PARD3B: variants seen among roughly 807,000 people sequenced by gnomAD.
The protein encoded by PARD3B is par-3 family cell polarity regulator beta.
PARD3B carries 103 observed loss-of-function variants against 130.2 expected under a neutral mutation model. That is an observed-to-expected ratio of 0.79 (90% confidence interval 0.67 to 0.93). The LOEUF (loss-of-function observed/expected upper bound fraction) is 0.93, where lower values mean the gene tolerates loss of function less well. PARD3B is among the 40% of genes least tolerant of loss of function. The probability of loss-of-function intolerance (pLI) is 0.00; values close to 1 mark genes in which losing one functional copy is unlikely to be tolerated. For synonymous variants in PARD3B, 583 were observed against 553.2 expected (o/e 1.05, Z -0.76); for missense variants, 1,609 against 1,499.2 (o/e 1.07, Z -1.21).
intron 18 of PARD3B, among the ~76,000 whole-genome samples, chr2:205,338,443 C>T (rs564626439): frequency 2.4e-4 from 36 of 152,216 alleles, no homozygotes; most frequent in African/African-American, 8.4e-4. Flanking sequence ...GGGAAAACAT[C>T]ATTTAATTTA....
At chr2:205,034,464 G>A (rs1697657380) in intron 3 of PARD3B, among the ~76,000 whole-genome samples, 3 of 152,130 alleles carry the variant, frequency 2.0e-5, no homozygotes. Flanking sequence ...TTTGTGTTGT[G>A]TGCTGATGTA....
rs921684966 is a variant in PARD3B, at chr2:205,021,650, CTATATA to C, written c.395-25920_395-25915del. The stretch of plus-strand genomic sequence containing the variant: ...TCTCTTTCTCTCTCTCTCTCTCTCT[CTATATA>C]TATATATATAGTTAATCTTTTCAAT... On this transcript the variant is annotated intron_variant, in intron 3 of 22. Transcript: ENST00000406610. The surrounding 1 kb of genome is among the most constrained non-coding windows in gnomAD (Gnocchi z 4.5). Among the ~76,000 whole-genome samples the C allele has an allele frequency of 5.1e-5, 5 of 98,234 alleles. No individual in the cohort carries two copies. In the South Asian group the frequency reaches 1.4e-3, roughly 28 times the overall value. The allele number at this position is 98,234 out of a possible 152,430, so 64.4% of individuals were successfully genotyped here.
chr2:205,461,672 A>C lies in PARD3B; in HGVS notation c.3044+21000A>C, dbSNP rs1037742817. ...TAATTGTTCTCAAATTTGAGCACGCATCAGAATCACCTGGAGAACTTGTTA... is the reference window on the plus strand; with the variant it reads ...TAATTGTTCTCAAATTTGAGCACGCCTCAGAATCACCTGGAGAACTTGTTA... On this transcript the variant is annotated intron_variant, in intron 20 of 22. Transcript: ENST00000406610. This position sits in a 1 kb window ranked among gnomAD's most constrained non-coding sequence, Gnocchi z 4.3. Among the ~76,000 whole-genome samples, 2 of 152,210 alleles carry C rather than the reference A, an allele frequency of 1.3e-5. No homozygotes were observed. Among genetic ancestry groups the C allele is most frequent in the Non-Finnish European group, 2.9e-5 (2 of 68,038 alleles).
chr2:204,644,053 C>G (rs753993195), intron 1 of PARD3B, among the ~76,000 whole-genome samples: 2 of 152,168 alleles, frequency 1.3e-5, no homozygotes, highest in Non-Finnish European at 2.9e-5. Context: ...TTTATTTATT[C>G]GTTCTCTGAA....
chr2:205,454,045 T>C (rs2048191759), intron 20 of PARD3B, among the ~76,000 whole-genome samples: 1 of 152,162 alleles, frequency 6.6e-6, no homozygotes, highest in South Asian at 2.1e-4. Flanking sequence ...AAAAAAATTA[T>C]ATGTATGTTT....
At chr2:204,732,948 C>A (rs1373721835) in intron 2 of PARD3B, among the ~76,000 whole-genome samples, 1 of 152,252 alleles carries the variant, frequency 6.6e-6, no homozygotes, top group South Asian at 2.1e-4. Context: ...TGAGCATCAT[C>A]CTGGTTTCCA....
In PARD3B at chr2:204,818,274, C is replaced by T. The variant is rs115158891; in HGVS notation, c.222+131992C>T. Reference sequence around the variant, plus strand: ...TTATGTGTTGTTCACCTATAATCCTCAGTTCTCACAGGAGTAAGTAGAAAT... The same window carrying T: ...TTATGTGTTGTTCACCTATAATCCTTAGTTCTCACAGGAGTAAGTAGAAAT... On this transcript the variant is annotated intron_variant, in intron 2 of 22. Transcript: ENST00000406610. Among the ~76,000 whole-genome samples the T allele has an allele frequency of 6.0e-3, 916 of 152,292 alleles. 11 individuals carry two copies. The highest frequency in any genetic ancestry group is 0.021 in the African/African-American group (886 of 41,568).
In PARD3B at chr2:205,025,053, G is replaced by A. The variant is rs1290656773; in HGVS notation, c.395-22528G>A. ...AGATTAAATGCATTCAGTTTAACTAGCGGCACTAAAAAGGGCTGCATCTTT... is the reference window on the plus strand; with the variant it reads ...AGATTAAATGCATTCAGTTTAACTAACGGCACTAAAAAGGGCTGCATCTTT... On this transcript the variant is annotated intron_variant, in intron 3 of 22. Coordinates refer to ENST00000406610, the MANE Select transcript of PARD3B (RefSeq NM_001302769.2). Among the ~76,000 whole-genome samples the A allele has an allele frequency of 3.9e-5, 6 of 152,222 alleles. No individual in the cohort carries two copies. In the East Asian group the frequency reaches 1.2e-3, roughly 29 times the overall value.
chr2:204,857,662 A>G (rs1169789057), intron 2 of PARD3B, among the ~76,000 whole-genome samples: 1 of 152,168 alleles, frequency 6.6e-6, no homozygotes, highest in African/African-American at 2.4e-5. Context: ...ACAGGGGTCA[A>G]ACAAGGCCTT....
chr2:205,414,687 G>A (rs1393436069), intron 19 of PARD3B, among the ~76,000 whole-genome samples: 1 of 152,008 alleles, frequency 6.6e-6, no homozygotes, highest in African/African-American at 2.4e-5. Context: ...TTCTATTAGT[G>A]AAGATGTAAA....
intron 1 of PARD3B, among the ~76,000 whole-genome samples, chr2:204,607,231 C>A (rs572293940): frequency 6.6e-6 from 1 of 152,078 alleles, no homozygotes; most frequent in African/African-American, 2.4e-5. Flanking sequence ...ATTATAGGGG[C>A]AGATTATCAT....
intron 1 of PARD3B, among the ~76,000 whole-genome samples, chr2:204,658,892 A>G (rs759600451): frequency 2.6e-5 from 4 of 152,200 alleles, no homozygotes; most frequent in Admixed American, 1.3e-4. Context: ...CAAGTGTCCA[A>G]TCAATCCCCA....
At position 204,615,782 on chromosome 2, in the gene PARD3B, A is replaced by G. The variant is rs73059024; in HGVS notation, c.120+69663A>G. On this transcript the variant is annotated intron_variant, in intron 1 of 22. Coordinates refer to ENST00000406610, the MANE Select transcript of PARD3B (RefSeq NM_001302769.2). ...CTACTGGTTCAGTTTGACAATGAAA[A>G]TAGTGCATGCATTTTTTTTCCTGAA... Among the ~76,000 whole-genome samples the G allele has an allele frequency of 6.0e-3, 917 of 152,274 alleles. 10 individuals carry two copies. Among genetic ancestry groups the G allele is most frequent in the African/African-American group, 0.02 (839 of 41,554 alleles).
At chr2:205,442,351 T>C (rs369992281) in intron 20 of PARD3B, among the ~76,000 whole-genome samples, 15 of 135,950 alleles carry the variant, frequency 1.1e-4, no homozygotes, top group African/African-American at 4.4e-4. Context: ...CAGGCTGGAG[T>C]GCAGTGGTAC....
chr2:205,509,148 C>T (rs766576723), intron 21 of PARD3B, among the ~76,000 whole-genome samples: 6 of 151,640 alleles, frequency 4.0e-5, no homozygotes, highest in Admixed American at 6.6e-5. Flanking sequence ...AGGCAGTCCC[C>T]AACATAGAAA....
chr2:205,061,462 G>A (rs1376552511), intron 4 of PARD3B, among the ~76,000 whole-genome samples: 1 of 152,038 alleles, frequency 6.6e-6, no homozygotes, highest in Non-Finnish European at 1.5e-5. Flanking sequence ...GATAATAAAA[G>A]TACTTACCTC....
intron 18 of PARD3B, among the ~76,000 whole-genome samples, chr2:205,354,404 A>G (rs2044112481): frequency 6.6e-6 from 1 of 152,020 alleles, no homozygotes; most frequent in Non-Finnish European, 1.5e-5. Context: ...GCACATGTAT[A>G]CATATGTAAC....
At chr2:205,040,478 TC>T (rs1442818324) in intron 3 of PARD3B, among the ~76,000 whole-genome samples, 1 of 152,168 alleles carries the variant, frequency 6.6e-6, no homozygotes, top group East Asian at 1.9e-4. Context: ...CCATATTTTT[TC>T]AAACTCATTC....
At chr2:204,959,616 G>T (rs1381124241) in intron 2 of PARD3B, among the ~76,000 whole-genome samples, 1 of 152,066 alleles carries the variant, frequency 6.6e-6, no homozygotes, top group Non-Finnish European at 1.5e-5. Flanking sequence ...GTGTTTGTTT[G>T]TTGTTCTTGT....
Sources: gnomAD v4.1 joint callset for allele counts (sites outside exome capture counted in the v4.1 genomes callset) on GRCh38, gnomAD v4.1.1 for gene constraint, Gnocchi (gnomAD v3.1) non-coding constraint, MANE v1.5 for transcripts, NCBI Gene and HGNC (gene_info 2026-07-23, HGNC 2026-07-21) for gene names.